Variants in BTBD9 observed in about 807,000 individuals in gnomAD.
BTBD9 encodes the protein BTB domain containing 9.
BTBD9 carries 49 observed loss-of-function variants against 64.3 expected under a neutral mutation model. That is an observed-to-expected ratio of 0.76 (90% CI 0.61 to 0.97). The LOEUF (loss-of-function observed/expected upper bound fraction) is 0.97, where lower values mean the gene tolerates loss of function less well. BTBD9 is among the 50% of genes least tolerant of loss of function. The probability of loss-of-function intolerance (pLI) is 0.00; values close to 1 mark genes in which losing one functional copy is unlikely to be tolerated. For missense variants in BTBD9, 598 were observed against 762.1 expected (o/e 0.78, Z 2.53); for synonymous variants, 260 against 274.7 (o/e 0.95, Z 0.53).
intron 10 of BTBD9, among the ~76,000 whole-genome samples, chr6:38,180,994 C>T (rs2235711): frequency 0.67 from 102,503 of 152,068 alleles, 35,706 homozygotes; most frequent in Non-Finnish European, 0.74. Context: ...TGTTCTTTTC[C>T]CCGTGAATCC....
At chr6:38,428,305 T>C (rs1442645553) in intron 6 of BTBD9, among the ~76,000 whole-genome samples, 1 of 151,886 alleles carries the variant, frequency 6.6e-6, no homozygotes, top group East Asian at 1.9e-4. Flanking sequence ...AGCACCCTGG[T>C]TGAATTGACC....
intron 6 of BTBD9, among the ~76,000 whole-genome samples, chr6:38,558,529 G>C (rs1278810176): frequency 6.6e-6 from 1 of 152,136 alleles, no homozygotes; most frequent in African/African-American, 2.4e-5. Flanking sequence ...CTGGCTATGA[G>C]TCTGTCATAG....
chr6:38,318,161 C>G (rs1268132245), intron 7 of BTBD9, among the ~76,000 whole-genome samples: 2 of 152,128 alleles, frequency 1.3e-5, no homozygotes, highest in African/African-American at 4.8e-5. Flanking sequence ...TCCTAAAGTG[C>G]TGGGATTACA....
At chr6:38,358,509 C>T (rs1045598095) in intron 6 of BTBD9, among the ~76,000 whole-genome samples, 1 of 152,186 alleles carries the variant, frequency 6.6e-6, no homozygotes, top group South Asian at 2.1e-4. Context: ...AGCAGCAAAA[C>T]GGGAGGGGAA....
At chr6:38,183,313 A>G (rs1401120137) in intron 10 of BTBD9, among the ~76,000 whole-genome samples, 2 of 152,140 alleles carry the variant, frequency 1.3e-5, no homozygotes, top group Non-Finnish European at 2.9e-5. Flanking sequence ...AACAAACTAA[A>G]TATTTTTCTG....
At chr6:38,368,637 C>A (rs916049807) in intron 6 of BTBD9, among the ~76,000 whole-genome samples, 3 of 152,088 alleles carry the variant, frequency 2.0e-5, no homozygotes, top group Non-Finnish European at 4.4e-5. Context: ...CCGGCCTTTA[C>A]CTTTTTTTGA....
intron 6 of BTBD9, among the ~76,000 whole-genome samples, chr6:38,486,917 C>G (rs1771459020): frequency 6.6e-6 from 1 of 152,184 alleles, no homozygotes; most frequent in African/African-American, 2.4e-5. Context: ...CTCATTTTAA[C>G]TTGAAATGGT....
intron 9 of BTBD9, 52 bp downstream of exon 9, chr6:38,256,357 T>C (rs928935532): frequency 7.2e-7 from 1 of 1,380,020 alleles, no homozygotes; most frequent in African/African-American, 1.4e-5. Context: ...CCCAATCCAC[T>C]GGGAAGACTG....
chr6:38,380,772 G>A (rs1430681615), intron 6 of BTBD9, among the ~76,000 whole-genome samples: 1 of 152,172 alleles, frequency 6.6e-6, no homozygotes, highest in Non-Finnish European at 1.5e-5. Flanking sequence ...TTGAGCATAG[G>A]AGCTCTAGGC....
chr6:38,419,466 C>A (rs1767809729), intron 6 of BTBD9, among the ~76,000 whole-genome samples: 1 of 152,200 alleles, frequency 6.6e-6, no homozygotes, highest in Admixed American at 6.5e-5. Context: ...CTGTCAATCT[C>A]TTACTTGACC....
intron 6 of BTBD9, among the ~76,000 whole-genome samples, chr6:38,474,523 A>G (rs1770794162): frequency 6.6e-6 from 1 of 152,094 alleles, no homozygotes; most frequent in East Asian, 1.9e-4. Context: ...ACTCTGTCTC[A>G]AGAAAGAAAA....
At chr6:38,499,660 C>T (rs1452982539) in intron 6 of BTBD9, among the ~76,000 whole-genome samples, 1 of 152,208 alleles carries the variant, frequency 6.6e-6, no homozygotes, top group Admixed American at 6.5e-5. Flanking sequence ...TAATGAATCT[C>T]TTGTGACTTC....
intron 6 of BTBD9, among the ~76,000 whole-genome samples, chr6:38,349,169 T>C (rs998171489): frequency 1.3e-5 from 2 of 152,152 alleles, no homozygotes; most frequent in African/African-American, 4.8e-5. Context: ...ATTACAGGTG[T>C]GAGCCACCGC....
Position 38,172,727 on chromosome 6 carries a change from C to G in BTBD9, c.*2258G>C, listed in dbSNP as rs737170. ...GATGATAAGGGGCATCTTTAAAGTG[C>G]TAGAAGACAGGAGGGACAGAGATCT... On this transcript the variant is annotated 3_prime_UTR_variant, in exon 11 of 11. Coordinates refer to ENST00000481247, the MANE Select transcript of BTBD9 (RefSeq NM_001099272.2). The G allele has an allele frequency of 6.6e-6, 1 of 152,314 alleles. No homozygotes were observed. Among genetic ancestry groups the G allele is most frequent in the Admixed American group, 6.5e-5 (1 of 15,280 alleles). The allele number at this position is 152,314 out of a possible 1,614,324, so 9.4% of individuals were successfully genotyped here. A position where few individuals can be genotyped will look rare whatever the true frequency, so the allele number is the denominator to read the frequency against.
chr6:38,231,733 GC>G (rs1763612481), intron 9 of BTBD9, among the ~76,000 whole-genome samples: 2 of 152,320 alleles, frequency 1.3e-5, no homozygotes, highest in South Asian at 4.1e-4. Context: ...ACCTGCACTG[GC>G]ACCCAGCAGT....
chr6:38,195,182 C>T (rs916423770), intron 9 of BTBD9, among the ~76,000 whole-genome samples: 2 of 152,170 alleles, frequency 1.3e-5, no homozygotes, highest in Non-Finnish European at 2.9e-5. Flanking sequence ...GACAAGGTGG[C>T]ACCAGAGTGG....
chr6:38,384,130 T>C (rs1450454090), intron 6 of BTBD9, among the ~76,000 whole-genome samples: 1 of 152,186 alleles, frequency 6.6e-6, no homozygotes, highest in African/African-American at 2.4e-5. Context: ...AGTGCAAAAT[T>C]GGAGTATATT....
chr6:38,256,553 T>C, intron 8 of BTBD9, 37 bp from the exon 9 acceptor site: 1 of 1,452,132 alleles, frequency 6.9e-7, no homozygotes, highest in Non-Finnish European at 9.7e-7. Context: ...GCTGTAAATG[T>C]TTTAACTGGT....
intron 6 of BTBD9, among the ~76,000 whole-genome samples, chr6:38,398,598 T>C (rs1409501995): frequency 6.6e-6 from 1 of 152,178 alleles, no homozygotes; most frequent in African/African-American, 2.4e-5. Flanking sequence ...GCTCACTGGC[T>C]ATTAATGATT....
Sources: gnomAD v4.1 joint callset for allele counts (sites outside exome capture counted in the v4.1 genomes callset) on GRCh38, gnomAD v4.1.1 for gene constraint, MANE v1.5 for transcripts, NCBI Gene and HGNC (gene_info 2026-07-23, HGNC 2026-07-21) for gene names.